Variants in TOX2 observed in about 807,000 individuals in gnomAD.
TOX2 encodes granulosa cell HMG box 1.
In TOX2, 15 loss-of-function variants were observed where a neutral mutation model predicts 47.4. The observed-to-expected ratio is 0.32, with a 90% CI of 0.21 to 0.49. The LOEUF (loss-of-function observed/expected upper bound fraction) is 0.49. TOX2 is among the 20% of genes least tolerant of loss of function. The pLI is 0.99. For synonymous variants in TOX2, 290 were observed against 296.6 expected (o/e 0.98, Z 0.23); for missense variants, 622 against 673.1 (o/e 0.92, Z 0.84).
At chr20:43,947,433 G>T (rs1373798956) in intron 1 of TOX2, among the ~76,000 whole-genome samples, 1 of 152,216 alleles carries the variant, frequency 6.6e-6, no homozygotes, top group South Asian at 2.1e-4. Context: ...ATGAATGAAT[G>T]AACAAATGAC....
intron 1 of TOX2, among the ~76,000 whole-genome samples, chr20:43,929,346 C>G (rs2069222267): frequency 6.6e-6 from 1 of 152,172 alleles, no homozygotes; most frequent in Non-Finnish European, 1.5e-5. Flanking sequence ...GCCCATAAGT[C>G]CTCACGTGAG....
chr20:43,931,478 C>T (rs1174239467), intron 1 of TOX2, among the ~76,000 whole-genome samples: 1 of 152,212 alleles, frequency 6.6e-6, no homozygotes, highest in African/African-American at 2.4e-5. Context: ...GCCACCCCCT[C>T]CTGGAGGCTT....
chr20:44,002,934 C>T (rs577751279), intron 2 of TOX2, among the ~76,000 whole-genome samples: 1 of 152,314 alleles, frequency 6.6e-6, no homozygotes, highest in East Asian at 1.9e-4. Context: ...CAGTGGGTCA[C>T]TTTTCAACAT....
chr20:43,962,759 AG>A (rs1387334057), intron 1 of TOX2, among the ~76,000 whole-genome samples: 2 of 152,198 alleles, frequency 1.3e-5, no homozygotes, highest in Non-Finnish European at 2.9e-5. Flanking sequence ...GTTCTGGGTC[AG>A]GAGCAGATAA....
chr20:43,961,999 T>A (rs982483084), intron 1 of TOX2, among the ~76,000 whole-genome samples: 5 of 152,150 alleles, frequency 3.3e-5, no homozygotes, highest in African/African-American at 1.2e-4. Context: ...CAGCGCCAAA[T>A]GAAAATGTTT....
At chr20:44,000,770 T>A (rs1348292513) in intron 2 of TOX2, among the ~76,000 whole-genome samples, 3 of 151,980 alleles carry the variant, frequency 2.0e-5, no homozygotes, top group Non-Finnish European at 4.4e-5. Context: ...GAATGGCCTG[T>A]GATGTTGGCC....
chr20:43,930,134 G>C (rs1169230024), intron 1 of TOX2, among the ~76,000 whole-genome samples: 10 of 152,204 alleles, frequency 6.6e-5, no homozygotes, highest in Non-Finnish European at 1.5e-4. Flanking sequence ...CATCCCCATG[G>C]TGTCTGACCT....
At chr20:43,976,484 T>C (rs2070078609) in intron 2 of TOX2, among the ~76,000 whole-genome samples, 1 of 152,198 alleles carries the variant, frequency 6.6e-6, no homozygotes, top group South Asian at 2.1e-4. Context: ...ACACATTCTA[T>C]TGGTCAAAGC....
intron 2 of TOX2, among the ~76,000 whole-genome samples, chr20:43,985,487 C>T (rs527497417): frequency 6.6e-6 from 1 of 152,278 alleles, no homozygotes; most frequent in Non-Finnish European, 1.5e-5. Context: ...GCTGGGGAAG[C>T]TTGGACAAGT....
chr20:44,039,949 G>A (rs1471812412), intron 3 of TOX2, among the ~76,000 whole-genome samples: 2 of 152,184 alleles, frequency 1.3e-5, no homozygotes, highest in African/African-American at 2.4e-5. Flanking sequence ...GAGGTGGGCC[G>A]AGGGCCGGGG....
chr20:43,988,835 A>G (rs2070317705), intron 2 of TOX2, among the ~76,000 whole-genome samples: 1 of 152,332 alleles, frequency 6.6e-6, no homozygotes, highest in Non-Finnish European at 1.5e-5. Context: ...GTCCAGACTC[A>G]GAACTTAGGA....
chr20:43,933,176 C>T lies in TOX2; in HGVS notation c.99+18186C>T, dbSNP rs111748802. Among the ~76,000 whole-genome samples the T allele has an allele frequency of 2.8e-3, 429 of 152,304 alleles. 1 individual carries two copies. The highest frequency in any genetic ancestry group is 3.6e-3 in the Non-Finnish European group (243 of 68,030). On this transcript the variant is annotated intron_variant, in intron 1 of 8. Coordinates refer to ENST00000341197, the MANE Select transcript of TOX2 (RefSeq NM_001098797.2). Reference sequence around the variant, plus strand: ...GACCCCCACAGGTGGTGAATGTCTCCGTTACCTAGCTCATTTCTGTAGCTG... The same window carrying T: ...GACCCCCACAGGTGGTGAATGTCTCTGTTACCTAGCTCATTTCTGTAGCTG...
chr20:44,058,536 A>G (rs2071662771), intron 5 of TOX2, among the ~76,000 whole-genome samples: 1 of 152,148 alleles, frequency 6.6e-6, no homozygotes, highest in Non-Finnish European at 1.5e-5. Context: ...TCCTCCCTAT[A>G]CTACTGCAGC....
At chr20:44,003,843 T>C (rs1361818619) in intron 2 of TOX2, among the ~76,000 whole-genome samples, 2 of 152,014 alleles carry the variant, frequency 1.3e-5, no homozygotes, top group Non-Finnish European at 2.9e-5. Flanking sequence ...GGCCAGGCCA[T>C]ACAAGGACTT....
At position 43,947,368 on chromosome 20, in the gene TOX2, C is replaced by T. The variant is rs185569065; in HGVS notation, c.100-25999C>T. ...ATGTATGCACACATGCACGTGTGCA[C>T]ACACTCACTGTGTAACACTTTGCCT... is the stretch of plus-strand genomic sequence containing the variant. On this transcript the variant is annotated intron_variant, in intron 1 of 8. Transcript: ENST00000341197. Among the ~76,000 whole-genome samples, 29 of 152,356 alleles carry T rather than the reference C, an allele frequency of 1.9e-4. 1 individual carries two copies. The East Asian group carries it at 5.4e-3, about 28-fold the overall frequency.
intron 1 of TOX2, among the ~76,000 whole-genome samples, chr20:43,955,848 A>G (rs1435728862): frequency 1.3e-5 from 2 of 152,082 alleles, no homozygotes; most frequent in Non-Finnish European, 2.9e-5. Flanking sequence ...CCGTTTCCCC[A>G]TCTTAGTTAG....
intron 1 of TOX2, among the ~76,000 whole-genome samples, chr20:43,917,874 C>T (rs925808204): frequency 5.3e-5 from 8 of 152,104 alleles, no homozygotes; most frequent in Non-Finnish European, 8.8e-5. Context: ...AATAAAGGTG[C>T]TTTTTGAGCA....
intron 3 of TOX2, among the ~76,000 whole-genome samples, chr20:44,022,856 C>T (rs1334867711): frequency 6.6e-6 from 1 of 152,178 alleles, no homozygotes; most frequent in African/African-American, 2.4e-5. Flanking sequence ...CCCTCCACCC[C>T]AAGCAGGTCC....
intron 1 of TOX2, among the ~76,000 whole-genome samples, chr20:43,930,077 A>G (rs1264081487): frequency 1.3e-5 from 2 of 152,198 alleles, no homozygotes; most frequent in African/African-American, 4.8e-5. Context: ...CTTCAGGATA[A>G]TAAACTTTAA....
Sources: gnomAD v4.1 joint callset for allele counts (sites outside exome capture counted in the v4.1 genomes callset) on GRCh38, gnomAD v4.1.1 for gene constraint, MANE v1.5 for transcripts, NCBI Gene and HGNC (gene_info 2026-07-23, HGNC 2026-07-21) for gene names.